JAK1: variants seen among roughly 807,000 people sequenced by gnomAD.
The protein encoded by JAK1 is tyrosine-protein kinase JAK1.
A neutral mutation model predicts 136.6 loss-of-function variants in JAK1; 16 were observed. That is an observed-to-expected ratio of 0.12 (90% CI 0.08 to 0.18). JAK1 has a LOEUF of 0.18. Ranked by LOEUF, JAK1 falls within the 10% of genes least tolerant of loss-of-function variation. The pLI is 1.00. For synonymous variants in JAK1, 492 were observed against 519.5 expected, an observed-to-expected ratio of 0.95 and a Z score of 0.72; for missense variants, 859 against 1,450.1, an observed-to-expected ratio of 0.59 and a Z score of 6.62.
chr1:65,029,814 A>G (rs1647007484), intron 2 of JAK1, among the ~76,000 whole-genome samples: 1 of 152,196 alleles, frequency 6.6e-6, no homozygotes, highest in Non-Finnish European at 1.5e-5. Context: ...ATTGGAGGGT[A>G]GAGAAAGAGG....
chr1:65,040,577 G>A (rs1400208735), intron 2 of JAK1, among the ~76,000 whole-genome samples: 1 of 152,084 alleles, frequency 6.6e-6, no homozygotes, highest in Non-Finnish European at 1.5e-5. Flanking sequence ...GGATCAGAAT[G>A]TGGACCTTTA....
chr1:64,932,399 G>A (rs1373060659), intron 1 of JAK1, among the ~76,000 whole-genome samples: 2 of 152,064 alleles, frequency 1.3e-5, no homozygotes, highest in Non-Finnish European at 2.9e-5. Context: ...GCGACAGAGC[G>A]AGACTCTGTC....
At chr1:64,967,690 T>C (rs1444041969), upstream of JAK1, among the ~76,000 whole-genome samples, 2 of 152,206 alleles carry the variant, frequency 1.3e-5, no homozygotes, top group African/African-American at 2.4e-5. Context: ...ATTAGACTAC[T>C]GAATTTGAGG....
intron 12 of JAK1, among the ~76,000 whole-genome samples, chr1:64,848,793 A>G (rs310221): frequency 0.41 from 62,625 of 152,038 alleles, 14,415 homozygotes; most frequent in African/African-American, 0.63. Context: ...AGGGACTGTC[A>G]CTGATACCTA....
At chr1:65,000,173 A>G (rs909907017) in intron 2 of JAK1, among the ~76,000 whole-genome samples, 4 of 151,926 alleles carry the variant, frequency 2.6e-5, no homozygotes, top group African/African-American at 9.7e-5. Flanking sequence ...TATTTTTAGT[A>G]GAGACGGGTT....
At chr1:64,942,633 T>G (rs1645910900) in intron 1 of JAK1, among the ~76,000 whole-genome samples, 1 of 152,236 alleles carries the variant, frequency 6.6e-6, no homozygotes, top group East Asian at 1.9e-4. Context: ...TTAACTCAAA[T>G]GTAACAATTT....
intron 23 of JAK1, 68 bp from the exon 24 acceptor site, chr1:64,835,574 A>C: frequency 1.1e-6 from 1 of 927,078 alleles, no homozygotes; most frequent in Non-Finnish European, 1.7e-6. Flanking sequence ...AAACAGATTA[A>C]GGTGAAATTT....
intron 5 of JAK1, among the ~76,000 whole-genome samples, chr1:64,871,565 C>G (rs185941988): frequency 2.0e-5 from 3 of 152,322 alleles, no homozygotes; most frequent in Non-Finnish European, 4.4e-5. Flanking sequence ...TCTGCCCCTT[C>G]CCCACCCTCT....
intron 2 of JAK1, among the ~76,000 whole-genome samples, chr1:65,024,277 A>AT (rs1646959710): frequency 6.6e-6 from 1 of 152,142 alleles, no homozygotes; most frequent in African/African-American, 2.4e-5. Context: ...TGTTGTTCAT[A>AT]TTTTTTATTA....
rs1331579419 is a variant in JAK1 at position 64,860,159 on chromosome 1, A to G, written c.1280T>C (p.Val427Ala). ...ADAHHYLCTD[V>A]APPLIVHNIQ... ...GTTGTGGACGATCAACGGGGGGGCC[A>G]CGTCGGTGCAGAGGTAATGATGGGC... is the stretch of plus-strand genomic sequence containing the variant. Residue 427 changes from valine (V) to alanine (A), a missense_variant, in exon 9 of 25, where the codon GTG becomes GCG. Val to Ala is a moderately conservative substitution (Grantham distance 64, BLOSUM62 0). Coordinates refer to ENST00000342505, the MANE Select transcript of JAK1 (RefSeq NM_002227.4). 6.2e-7 allele frequency: 1 copy of G among 1,606,220 alleles called. No homozygotes were observed. The highest frequency in any genetic ancestry group is 8.5e-7 in the Non-Finnish European group (1 of 1,174,482).
At chr1:64,923,563 C>T (rs1645532917) in intron 1 of JAK1, among the ~76,000 whole-genome samples, 1 of 152,146 alleles carries the variant, frequency 6.6e-6, no homozygotes. Flanking sequence ...ATTAGAGTCC[C>T]TCTGGCTAAG....
At chr1:64,963,650 G>C (rs1209532594) in intron 1 of JAK1, among the ~76,000 whole-genome samples, 1 of 152,042 alleles carries the variant, frequency 6.6e-6, no homozygotes, top group African/African-American at 2.4e-5. Flanking sequence ...CAGTTTCCAT[G>C]CATTATTTAC....
intron 2 of JAK1, among the ~76,000 whole-genome samples, chr1:65,036,581 T>C (rs1457436483): frequency 1.3e-5 from 2 of 152,244 alleles, no homozygotes; most frequent in African/African-American, 4.8e-5. Flanking sequence ...GACTGCCCTA[T>C]GTGCTTATTA....
At chr1:65,016,683 G>C (rs1008050779) in intron 2 of JAK1, among the ~76,000 whole-genome samples, 1 of 152,058 alleles carries the variant, frequency 6.6e-6, no homozygotes, top group Non-Finnish European at 1.5e-5. Context: ...TGGATCACTT[G>C]AGGTCAGGAG....
chr1:65,024,684 A>AG (rs112984952), intron 2 of JAK1, among the ~76,000 whole-genome samples: 8,862 of 149,130 alleles, frequency 0.059, 384 homozygotes, highest in Admixed American at 0.14. Context: ...AAAAAAAGAA[A>AG]GAAAAAAAAA....
intron 15 of JAK1, among the ~76,000 whole-genome samples, 170 bp from the exon 16 acceptor site, chr1:64,845,059 C>T (rs1655142332): frequency 1.3e-5 from 2 of 152,204 alleles, no homozygotes; most frequent in Admixed American, 1.3e-4. Context: ...TGCCCCTTGG[C>T]TCCAGCTCCC....
chr1:65,035,652 A>G (rs994694201), intron 2 of JAK1, among the ~76,000 whole-genome samples: 5 of 152,252 alleles, frequency 3.3e-5, no homozygotes, highest in Middle Eastern at 3.4e-3. Context: ...GAAGTGTGAT[A>G]TTTTCTATAG....
chr1:64,954,147 G>A (rs1232047334), intron 1 of JAK1, among the ~76,000 whole-genome samples: 1 of 152,190 alleles, frequency 6.6e-6, no homozygotes, highest in African/African-American at 2.4e-5. Context: ...AAGGACAAGT[G>A]ACAATCCAGG....
At chr1:64,934,980 C>G (rs561410569) in intron 1 of JAK1, among the ~76,000 whole-genome samples, 1 of 152,134 alleles carries the variant, frequency 6.6e-6, no homozygotes, top group South Asian at 2.1e-4. Flanking sequence ...ATCAACTTAT[C>G]AAACCAATTT....
Sources: gnomAD v4.1 joint callset for allele counts (sites outside exome capture counted in the v4.1 genomes callset) on GRCh38, gnomAD v4.1.1 for gene constraint, MANE v1.5 for transcripts, NCBI Gene and HGNC (gene_info 2026-07-23, HGNC 2026-07-21) for gene names.